Variants in OMA1 observed in about 807,000 individuals in gnomAD.
OMA1 encodes the protein metalloendopeptidase OMA1, mitochondrial.
In OMA1, 38 loss-of-function variants were observed where a neutral mutation model predicts 30.9. The observed-to-expected ratio is 1.23, with a 90% CI of 0.95 to 1.61. OMA1 has a LOEUF of 1.61. Among genes scored for constraint, OMA1 ranks in the 40% most tolerant of loss-of-function variants. OMA1 has a pLI of 0.00. For synonymous variants in OMA1, 173 were observed against 121.9 expected (o/e 1.42, Z -2.76); for missense variants, 461 against 349.2 (o/e 1.32, Z -2.55).
In OMA1 at chr1:58,488,184, T is replaced by C. The variant is rs550997472; in HGVS notation, c.1366-7010A>G. Among the ~76,000 whole-genome samples the C allele has an allele frequency of 4.6e-5, 7 of 152,286 alleles. No individual in the cohort carries two copies. The South Asian group carries it at 1.4e-3, about 32-fold the overall frequency. On this transcript the variant is annotated intron_variant, in intron 8 of 8. Transcript: ENST00000371226. ...TATAAAGTTCATTGATTACAAGCCA[T>C]CCTCTTATTGTTTATAGATTTCTCT...
chr1:58,534,288 G>T lies in OMA1; in HGVS notation c.773C>A (p.Ala258Asp), dbSNP rs1569968682. Residue 258 changes from alanine to aspartate, a missense_variant, in exon 4 of 9, where the codon GCC becomes GAC. Coordinates refer to ENST00000371226, the MANE Select transcript of OMA1 (RefSeq NM_145243.5). ...FKNDMLTEKD[A>D]RYLAVKEVLC... Reference sequence around the variant, plus strand: ...CACTTCTTTAACAGCCAGGTATCGGGCATCTTTCTCAGTTAGCATATCATT... The same window carrying T: ...CACTTCTTTAACAGCCAGGTATCGGTCATCTTTCTCAGTTAGCATATCATT... 1.2e-6 allele frequency: 1 copy of T among 867,288 alleles called. No homozygotes were observed. The highest frequency in any genetic ancestry group is 1.7e-5 in the Admixed American group (1 of 57,498). 53.7% of individuals were successfully genotyped at this position (867,288 alleles called of 1,614,324 possible).
At chr1:58,511,936 C>G (rs1646083960) in intron 7 of OMA1, among the ~76,000 whole-genome samples, 1 of 152,058 alleles carries the variant, frequency 6.6e-6, no homozygotes, top group Admixed American at 6.6e-5. Context: ...TACCAAAAAG[C>G]TCTGCACAGC....
intron 8 of OMA1, among the ~76,000 whole-genome samples, chr1:58,494,415 A>C (rs1645756422): frequency 6.6e-6 from 1 of 152,176 alleles, no homozygotes; most frequent in South Asian, 2.1e-4. Context: ...AAAATTGATA[A>C]ATGGGATCTA....
intron 7 of OMA1, among the ~76,000 whole-genome samples, chr1:58,507,145 A>C (rs967231483): frequency 2.0e-5 from 3 of 152,014 alleles, no homozygotes; most frequent in African/African-American, 7.2e-5. Flanking sequence ...AATCCTCCAT[A>C]AGGTGGATTA....
chr1:58,489,447 G>A (rs1645636889), intron 8 of OMA1, among the ~76,000 whole-genome samples: 1 of 152,226 alleles, frequency 6.6e-6, no homozygotes, highest in Non-Finnish European at 1.5e-5. Context: ...CAGCTGGGAA[G>A]CTCGAACTGG....
intron 7 of OMA1, among the ~76,000 whole-genome samples, chr1:58,511,735 G>A (rs1441765169): frequency 6.6e-6 from 1 of 151,756 alleles, no homozygotes; most frequent in Admixed American, 6.6e-5. Flanking sequence ...GAATGAAACT[G>A]GACCCTTATC....
chr1:58,534,435 T>C, intron 3 of OMA1, 104 bp from the exon 4 acceptor site: 2 of 588,764 alleles, frequency 3.4e-6, no homozygotes, highest in East Asian at 3.0e-5. Context: ...ATTTTAAGTT[T>C]TAATTATATA....
At chr1:58,498,974 C>T (rs1645851217) in intron 8 of OMA1, among the ~76,000 whole-genome samples, 1 of 151,716 alleles carries the variant, frequency 6.6e-6, no homozygotes, top group Admixed American at 6.6e-5. Context: ...GACAATTATC[C>T]TCTGGAATGA....
In OMA1 at chr1:58,538,871, A is replaced by C; in HGVS notation, c.424T>G (p.Phe142Val). Residue 142 changes from phenylalanine to valine, a missense_variant, in exon 2 of 9, where the codon TTT (phenylalanine) becomes GTT (valine). Transcript: ENST00000371226. ...AIRNFHTSPR[F>V]QAAPVPLLLM... ...AAGAGAGGAACCGGAGCAGCTTGAAACCGTGGAGAAGTATGGAAATTCCTA... is the reference window on the plus strand; with the variant it reads ...AAGAGAGGAACCGGAGCAGCTTGAACCCGTGGAGAAGTATGGAAATTCCTA... 1 of 872,630 alleles carries C rather than the reference A, an allele frequency of 1.1e-6. No homozygotes were observed. The highest frequency in any genetic ancestry group is 2.4e-5 in the East Asian group (1 of 41,692). 54.1% of individuals were successfully genotyped at this position (872,630 alleles called of 1,614,324 possible). A position where few individuals can be genotyped will look rare whatever the true frequency, so the allele number is the denominator to read the frequency against.
chr1:58,498,841 C>T (rs1051885614), intron 8 of OMA1, among the ~76,000 whole-genome samples: 5 of 151,998 alleles, frequency 3.3e-5, no homozygotes, highest in Non-Finnish European at 7.4e-5. Flanking sequence ...TTCACAAACA[C>T]TGCAATGGAA....
intron 7 of OMA1, among the ~76,000 whole-genome samples, chr1:58,520,945 G>A (rs537854095): frequency 6.6e-6 from 1 of 152,110 alleles, no homozygotes; most frequent in South Asian, 2.1e-4. Flanking sequence ...CAACAAAATT[G>A]ACACACTTGG....
chr1:58,485,647 C>T (rs188046009), intron 8 of OMA1, among the ~76,000 whole-genome samples: 34 of 151,680 alleles, frequency 2.2e-4, no homozygotes, highest in African/African-American at 6.3e-4. Flanking sequence ...TATTTCAGGG[C>T]GCCAATGTCT....
Position 58,536,734 on chromosome 1 carries a change from T to C in OMA1, c.508A>G (p.Arg170Gly). Residue 170 changes from arginine (R) to glycine (G), a missense_variant, in exon 3 of 9, where the codon AGG (arginine) becomes GGG (glycine). Physicochemically the swap from Arg to Gly is moderately radical, Grantham distance 125. Transcript: ENST00000371226. ...GGAGGAAGTGCCTGCCACCATTTCC[T>C]TATGCCCCTAAAGCAAAAAGAAAAA... ...LFAIIVGRGI[R>G]KWWQALPPNK... 1.1e-6 allele frequency: 1 copy of C among 872,074 alleles called. No homozygotes were observed. The highest frequency in any genetic ancestry group is 2.0e-6 in the Non-Finnish European group (1 of 501,358). The allele number at this position is 872,074 out of a possible 1,614,324, so 54.0% of individuals were successfully genotyped here.
At chr1:58,499,110 G>A (rs865962923) in intron 8 of OMA1, among the ~76,000 whole-genome samples, 1 of 152,092 alleles carries the variant, frequency 6.6e-6, no homozygotes, top group Middle Eastern at 3.4e-3. Flanking sequence ...AGGACATTAT[G>A]CTAAGTGAAA....
intron 8 of OMA1, among the ~76,000 whole-genome samples, chr1:58,495,838 A>C (rs188474506): frequency 7.6e-4 from 116 of 152,332 alleles, no homozygotes; most frequent in African/African-American, 2.5e-3. Flanking sequence ...GAGGAAAGAA[A>C]TATCTTCCTT....
intron 7 of OMA1, among the ~76,000 whole-genome samples, chr1:58,516,394 T>C (rs1441175885): frequency 6.6e-6 from 1 of 152,198 alleles, no homozygotes; most frequent in Non-Finnish European, 1.5e-5. Context: ...TGAATATTCA[T>C]ACCCCAAAAG....
chr1:58,513,986 T>C (rs1646121955), intron 7 of OMA1, among the ~76,000 whole-genome samples: 1 of 152,216 alleles, frequency 6.6e-6, no homozygotes, highest in Non-Finnish European at 1.5e-5. Context: ...CAGATGCATC[T>C]GTAAAACTAA....
intron 7 of OMA1, among the ~76,000 whole-genome samples, chr1:58,525,430 T>C (rs902221308): frequency 2.6e-5 from 4 of 152,146 alleles, no homozygotes; most frequent in Non-Finnish European, 4.4e-5. Flanking sequence ...ATAAAATCAA[T>C]TGTATTTTTA....
intron 7 of OMA1, among the ~76,000 whole-genome samples, chr1:58,513,977 A>C (rs1646121806): frequency 6.6e-6 from 1 of 152,166 alleles, no homozygotes; most frequent in Non-Finnish European, 1.5e-5. Flanking sequence ...TAGGAGTCTC[A>C]GATGCATCTG....
Sources: gnomAD v4.1 joint callset for allele counts (sites outside exome capture counted in the v4.1 genomes callset) on GRCh38, gnomAD v4.1.1 for gene constraint, MANE v1.5 for transcripts, NCBI Gene and HGNC (gene_info 2026-07-23, HGNC 2026-07-21) for gene names.